The following FRMD3 variants were observed in gnomAD, a reference collection of about 807,000 sequenced individuals.
FRMD3 encodes FERM domain containing 3.
Under a neutral mutation model 70.2 loss-of-function variants are expected in FRMD3, and 33 were observed. That is an observed-to-expected ratio of 0.47 (90% confidence interval 0.36 to 0.63). The LOEUF (loss-of-function observed/expected upper bound fraction) is 0.63. FRMD3 is among the 20% of genes least tolerant of loss of function. The pLI is 0.00. For synonymous variants in FRMD3, 279 were observed against 255.9 expected (o/e 1.09, Z -0.86); for missense variants, 632 against 711.4 (o/e 0.89, Z 1.27).
chr9:83,568,631 C>T, the FRMD3 span, among the ~76,000 whole-genome samples: 20 of 151,920 alleles, frequency 1.3e-4, no homozygotes, highest in South Asian at 2.1e-4. Flanking sequence ...GGTCACCAGA[C>T]GCTGTGGGGT....
At chr9:83,360,713 C>G (rs1824554618) in intron 3 of FRMD3, among the ~76,000 whole-genome samples, 1 of 152,212 alleles carries the variant, frequency 6.6e-6, no homozygotes, top group Non-Finnish European at 1.5e-5. Context: ...GCACACACTA[C>G]TGCACCCAAT....
intron 1 of FRMD3, among the ~76,000 whole-genome samples, chr9:83,513,018 TATCAACC>T (rs1236694099): frequency 6.6e-6 from 1 of 152,214 alleles, no homozygotes; most frequent in Non-Finnish European, 1.5e-5. Flanking sequence ...CAGGAGTGAC[TATCAACC>T]ATCTGTCGCA....
At chr9:83,489,180 C>T (rs1454405538) in intron 1 of FRMD3, among the ~76,000 whole-genome samples, 1 of 152,130 alleles carries the variant, frequency 6.6e-6, no homozygotes, top group Non-Finnish European at 1.5e-5. Flanking sequence ...CATTTCTTGA[C>T]ATCAGCCTTG....
At chr9:83,324,303 A>G (rs1364631992) in intron 6 of FRMD3, among the ~76,000 whole-genome samples, 1 of 152,186 alleles carries the variant, frequency 6.6e-6, no homozygotes, top group African/African-American at 2.4e-5. Flanking sequence ...GCAAAACAAG[A>G]GAATAAGCAA....
the FRMD3 span, among the ~76,000 whole-genome samples, chr9:83,558,083 G>C: frequency 6.6e-6 from 1 of 152,172 alleles, no homozygotes; most frequent in Non-Finnish European, 1.5e-5. Flanking sequence ...CAAGGCAAGA[G>C]AGCTGTCAAA....
intron 12 of FRMD3, among the ~76,000 whole-genome samples, chr9:83,291,809 A>G (rs986726291): frequency 6.6e-6 from 1 of 152,168 alleles, no homozygotes; most frequent in Non-Finnish European, 1.5e-5. Flanking sequence ...GGCTTGACAT[A>G]TGTTGCCATT....
chr9:83,385,250 T>C (rs921643083), intron 2 of FRMD3, among the ~76,000 whole-genome samples: 21 of 152,172 alleles, frequency 1.4e-4, no homozygotes, highest in African/African-American at 5.1e-4. Flanking sequence ...TCTAGACTTA[T>C]TGTCCCAGTT....
chr9:83,546,964 A>G, the FRMD3 span, among the ~76,000 whole-genome samples: 1 of 151,558 alleles, frequency 6.6e-6, no homozygotes, highest in African/African-American at 2.4e-5. Context: ...GTTGCTCACA[A>G]GAAACCCATC....
intron 3 of FRMD3, among the ~76,000 whole-genome samples, chr9:83,354,575 T>A (rs1205613991): frequency 3.3e-5 from 5 of 152,256 alleles, no homozygotes; most frequent in East Asian, 1.9e-4. Context: ...GGTAACAGGA[T>A]CATTCATACC....
chr9:83,339,813 AG>A (rs1262865221), intron 5 of FRMD3, among the ~76,000 whole-genome samples: 1 of 152,200 alleles, frequency 6.6e-6, no homozygotes, highest in African/African-American at 2.4e-5. Flanking sequence ...AAGTATTTGG[AG>A]AACACATGAA....
intron 1 of FRMD3, among the ~76,000 whole-genome samples, chr9:83,510,375 A>T (rs1268454122): frequency 6.6e-6 from 1 of 152,204 alleles, no homozygotes; most frequent in Admixed American, 6.5e-5. Flanking sequence ...GATAATAACC[A>T]GTGTTACTGA....
chr9:83,360,652 T>C (rs1200908267), intron 3 of FRMD3, among the ~76,000 whole-genome samples: 1 of 152,138 alleles, frequency 6.6e-6, no homozygotes, highest in Non-Finnish European at 1.5e-5. Context: ...ACTACCCCTG[T>C]CACACTACCC....
intron 1 of FRMD3, among the ~76,000 whole-genome samples, chr9:83,510,519 C>T (rs1829315303): frequency 1.3e-5 from 2 of 152,316 alleles, no homozygotes; most frequent in South Asian, 4.1e-4. Context: ...AGCAATTCCA[C>T]TCCTAGAAGA....
At chr9:83,358,542 T>C (rs1824479205) in intron 3 of FRMD3, among the ~76,000 whole-genome samples, 1 of 152,198 alleles carries the variant, frequency 6.6e-6, no homozygotes, top group Non-Finnish European at 1.5e-5. Flanking sequence ...ATTTTCACAA[T>C]ATTGATTCCA....
intron 5 of FRMD3, among the ~76,000 whole-genome samples, chr9:83,340,319 G>A (rs1161822887): frequency 6.6e-6 from 1 of 152,206 alleles, no homozygotes; most frequent in Non-Finnish European, 1.5e-5. Context: ...AAAGCACCCA[G>A]ATCCTACTCC....
intron 6 of FRMD3, among the ~76,000 whole-genome samples, chr9:83,319,811 G>C (rs1281895213): frequency 6.6e-6 from 1 of 152,192 alleles, no homozygotes; most frequent in East Asian, 1.9e-4. Flanking sequence ...TTTGCCTGCT[G>C]CCATCCATGT....
downstream of FRMD3, chr9:83,244,601 A>AAACTG (rs1832000529): frequency 1.1e-6 from 1 of 905,400 alleles, no homozygotes; most frequent in Middle Eastern, 5.7e-4. Flanking sequence ...ACTTTAAATA[A>AAACTG]AACTGAATGA....
At chr9:83,263,086 T>C (rs1833062108) in intron 13 of FRMD3, among the ~76,000 whole-genome samples, 1 of 152,198 alleles carries the variant, frequency 6.6e-6, no homozygotes, top group Admixed American at 6.5e-5. Flanking sequence ...TCTGTTGACA[T>C]TGTTGTAACT....
At chr9:83,523,474 A>G (rs1401988273) in intron 1 of FRMD3, among the ~76,000 whole-genome samples, 2 of 152,230 alleles carry the variant, frequency 1.3e-5, no homozygotes, top group African/African-American at 4.8e-5. Context: ...CAACTGCTCA[A>G]TACACTAAGA....
Sources: allele counts gnomAD v4.1 joint callset (sites outside exome capture counted in the v4.1 genomes callset), GRCh38; gene constraint gnomAD v4.1.1; transcripts MANE v1.5; gene names NCBI Gene and HGNC (gene_info 2026-07-23, HGNC 2026-07-21).